CFAP299: variants seen among roughly 807,000 people sequenced by gnomAD.
CFAP299 encodes the protein cilia- and flagella-associated protein 299.
A neutral mutation model predicts 27.0 loss-of-function variants in CFAP299; 21 were observed. That is an observed-to-expected ratio of 0.78 (90% CI 0.55 to 1.12). CFAP299 has a LOEUF of 1.12. CFAP299 is among the 50% of genes most tolerant of loss of function. The pLI, the probability that CFAP299 is intolerant of heterozygous loss-of-function variation, is 0.00. For synonymous variants in CFAP299, 104 were observed against 98.1 expected (o/e 1.06, Z -0.36); for missense variants, 310 against 276.6 (o/e 1.12, Z -0.86).
intron 3 of CFAP299, among the ~76,000 whole-genome samples, chr4:80,830,831 A>G (rs1400720883): frequency 6.6e-6 from 1 of 152,156 alleles, no homozygotes; most frequent in African/African-American, 2.4e-5. Context: ...GGGTCAAAAA[A>G]TGATGACTAC....
At chr4:80,607,050 AG>A (rs904952933) in intron 3 of CFAP299, among the ~76,000 whole-genome samples, 8 of 152,170 alleles carry the variant, frequency 5.3e-5, no homozygotes, top group Non-Finnish European at 1.0e-4. Context: ...CAGGTAGGCT[AG>A]TTTTTAGGGA....
At chr4:80,751,203 G>C (rs749214971) in intron 3 of CFAP299, among the ~76,000 whole-genome samples, 5 of 152,062 alleles carry the variant, frequency 3.3e-5, no homozygotes, top group Admixed American at 6.5e-5. Context: ...TCCTGGGAGA[G>C]ACCCTCTCTC....
chr4:80,870,956 G>C (rs1733050071), intron 4 of CFAP299: 1 of 865,152 alleles, frequency 1.2e-6, no homozygotes, highest in African/African-American at 1.8e-5. Context: ...GCCCAGGCTG[G>C]AGTGCAATGG....
rs142891143 is a variant in CFAP299 at position 80,921,918 on chromosome 4, C to T, written c.477-22892C>T. ...GAGAGGAAAGAGTCAAGCACAATTC[C>T]GAGTCTAAAACATGGATGTCTCAAA... On this transcript the variant is annotated intron_variant, in intron 4 of 5. Coordinates refer to ENST00000358105, the MANE Select transcript of CFAP299 (RefSeq NM_152770.3). Among the ~76,000 whole-genome samples, 150 of 151,856 alleles carry T rather than the reference C, an allele frequency of 9.9e-4. 1 individual carries two copies. In the East Asian group the frequency reaches 0.015, roughly 15 times the overall value.
At chr4:80,607,217 A>C (rs1361852237) in intron 3 of CFAP299, among the ~76,000 whole-genome samples, 2 of 152,168 alleles carry the variant, frequency 1.3e-5, no homozygotes, top group African/African-American at 4.8e-5. Flanking sequence ...ATAGAATATT[A>C]AATAATATTT....
chr4:80,838,046 T>C (rs901275356), intron 3 of CFAP299, among the ~76,000 whole-genome samples: 10 of 152,240 alleles, frequency 6.6e-5, no homozygotes, highest in Non-Finnish European at 1.5e-4. Flanking sequence ...TTTTTCCATA[T>C]GTTTGCTGGC....
At chr4:80,845,273 C>A (rs1279627613) in intron 3 of CFAP299, among the ~76,000 whole-genome samples, 2 of 138,758 alleles carry the variant, frequency 1.4e-5, no homozygotes, top group African/African-American at 6.0e-5. Flanking sequence ...GCTCAAGTCC[C>A]ACACTGTTTT....
chr4:80,705,077 T>C lies in CFAP299; in HGVS notation c.333+121894T>C, dbSNP rs183691505. Among the ~76,000 whole-genome samples, 385 of 151,818 alleles carry C rather than the reference T, an allele frequency of 2.5e-3. 3 individuals carry two copies. Among genetic ancestry groups the C allele is most frequent in the African/African-American group, 7.6e-3 (317 of 41,490 alleles). On this transcript the variant is annotated intron_variant, in intron 3 of 5. Coordinates refer to ENST00000358105, the MANE Select transcript of CFAP299 (RefSeq NM_152770.3). Reference sequence around the variant, plus strand: ...ATTGGAGGGATAAAAGTGCTAGCAGTTTTGTCTTGGAAAGAAGAGAGAAAA... The same window carrying C: ...ATTGGAGGGATAAAAGTGCTAGCAGCTTTGTCTTGGAAAGAAGAGAGAAAA...
At chr4:80,826,300 A>G (rs1376450002) in intron 3 of CFAP299, among the ~76,000 whole-genome samples, 1 of 151,792 alleles carries the variant, frequency 6.6e-6, no homozygotes, top group Non-Finnish European at 1.5e-5. Context: ...AATGCACAAA[A>G]TGAGGGACAA....
At chr4:80,458,959 C>CT (rs201022257) in intron 2 of CFAP299, among the ~76,000 whole-genome samples, 7 of 151,266 alleles carry the variant, frequency 4.6e-5, no homozygotes, top group African/African-American at 9.7e-5. Flanking sequence ...GATGGGACTT[C>CT]TTTTTTTTTA....
chr4:80,352,601 A>G lies in CFAP299; in HGVS notation c.112-10153A>G, dbSNP rs915544877. ...AATAAATAAAAGAGCAGTTCACACAATAATAGAATACCTATTCTTTTCAAA... is the reference window on the plus strand; with the variant it reads ...AATAAATAAAAGAGCAGTTCACACAGTAATAGAATACCTATTCTTTTCAAA... On this transcript the variant is annotated intron_variant, in intron 1 of 5. Coordinates refer to ENST00000358105, the MANE Select transcript of CFAP299 (RefSeq NM_152770.3). Among the ~76,000 whole-genome samples, 19 of 152,294 alleles carry G rather than the reference A, an allele frequency of 1.2e-4. No individual in the cohort carries two copies. The East Asian group carries it at 2.7e-3, about 22-fold the overall frequency.
At chr4:80,721,877 A>G (rs903463528) in intron 3 of CFAP299, among the ~76,000 whole-genome samples, 2 of 152,182 alleles carry the variant, frequency 1.3e-5, no homozygotes, top group African/African-American at 4.8e-5. Flanking sequence ...TCAAGAAAAA[A>G]GACAAAATAA....
chr4:80,627,395 G>A (rs577546753), intron 3 of CFAP299, among the ~76,000 whole-genome samples: 1 of 152,044 alleles, frequency 6.6e-6, no homozygotes, highest in African/African-American at 2.4e-5. Flanking sequence ...ACTCAATGGG[G>A]AGAAGTTGAC....
Position 80,390,658 on chromosome 4 carries a change from T to C in CFAP299, c.242+27774T>C, listed in dbSNP as rs147457275. On this transcript the variant is annotated intron_variant, in intron 2 of 5. Coordinates refer to ENST00000358105, the MANE Select transcript of CFAP299 (RefSeq NM_152770.3). ...ATACACATATATGTATGTACACACA[T>C]ATGTATATATGTATACATGTATACA... Among the ~76,000 whole-genome samples, 54 of 140,820 alleles carry C rather than the reference T, an allele frequency of 3.8e-4. 1 individual carries two copies. The highest frequency in any genetic ancestry group is 4.7e-4 in the Non-Finnish European group (30 of 64,456). The allele number at this position is 140,820 out of a possible 152,430, so 92.4% of individuals were successfully genotyped here. A position where few individuals can be genotyped will look rare whatever the true frequency, so the allele number is the denominator to read the frequency against.
At chr4:80,704,033 G>T (rs1721674445) in intron 3 of CFAP299, among the ~76,000 whole-genome samples, 1 of 151,538 alleles carries the variant, frequency 6.6e-6, no homozygotes, top group African/African-American at 2.4e-5. Flanking sequence ...GTAGAATTTT[G>T]CTTTAGACTA....
chr4:80,658,701 T>C (rs796932385), intron 3 of CFAP299, among the ~76,000 whole-genome samples: 6 of 152,220 alleles, frequency 3.9e-5, no homozygotes, highest in African/African-American at 1.2e-4. Flanking sequence ...TATTTCATCC[T>C]CTCTCAGATA....
intron 2 of CFAP299, chr4:80,387,487 G>A: frequency 2.5e-6 from 2 of 810,568 alleles, no homozygotes; most frequent in South Asian, 1.5e-5. Context: ...GCTATCGCTG[G>A]CTGTGGGCCA....
At chr4:80,867,058 G>A (rs1244056636) in intron 3 of CFAP299, among the ~76,000 whole-genome samples, 1 of 151,942 alleles carries the variant, frequency 6.6e-6, no homozygotes, top group Non-Finnish European at 1.5e-5. Context: ...AGAAATAATG[G>A]CAGTGAATTC....
chr4:80,597,316 G>C (rs1216787579), intron 3 of CFAP299, among the ~76,000 whole-genome samples: 1 of 152,076 alleles, frequency 6.6e-6, no homozygotes, highest in African/African-American at 2.4e-5. Context: ...TTATATGATT[G>C]TTAATGAGGG....
Sources: allele counts gnomAD v4.1 joint callset (sites outside exome capture counted in the v4.1 genomes callset), GRCh38; gene constraint gnomAD v4.1.1; transcripts MANE v1.5; gene names NCBI Gene and HGNC (gene_info 2026-07-23, HGNC 2026-07-21).